Variants in NDC80 observed in about 807,000 individuals in gnomAD.
NDC80 encodes the protein kinetochore protein NDC80 homolog.
NDC80 carries 69 observed loss-of-function variants against 89.3 expected under a neutral mutation model. The observed-to-expected ratio is 0.77, with a 90% CI of 0.64 to 0.94. The LOEUF is 0.94. Among genes scored for constraint, NDC80 ranks in the 40% least tolerant of loss-of-function variants. The pLI is 0.00. For missense variants in NDC80, 593 were observed against 739.6 expected (o/e 0.80, Z 2.30); for synonymous variants, 243 against 255.6 (o/e 0.95, Z 0.47).
At chr18:2,577,912 TATTTTCCAATA>T in intron 4 of NDC80, 43 bp downstream of exon 4, 1 of 1,609,450 alleles carries the variant, frequency 6.2e-7, no homozygotes, top group Non-Finnish European at 8.5e-7. Flanking sequence ...TTGTCATAGG[TATTTTCCAATA>T]ATTTTCCATT....
intron 3 of NDC80, 98 bp from the exon 4 acceptor site, chr18:2,577,641 GTAATGTT>G (rs1567995309): frequency 3.3e-6 from 4 of 1,206,736 alleles, no homozygotes; most frequent in Non-Finnish European, 4.7e-6. Flanking sequence ...TTATAAGAAC[GTAATGTT>G]TGATGTTGAT....
intron 14 of NDC80, among the ~76,000 whole-genome samples, chr18:2,607,827 A>G (rs956214790): frequency 6.6e-6 from 1 of 150,972 alleles, no homozygotes; most frequent in Non-Finnish European, 1.5e-5. Context: ...ATACAAACAT[A>G]TATTTTTTTA....
intron 12 of NDC80, among the ~76,000 whole-genome samples, chr18:2,600,872 C>A (rs928770067): frequency 7.2e-5 from 11 of 152,048 alleles, no homozygotes; most frequent in African/African-American, 2.4e-4. Context: ...GTCATTTTAA[C>A]CTAAGTATTT....
chr18:2,602,093 A>G (rs2072686930), intron 13 of NDC80, among the ~76,000 whole-genome samples: 1 of 152,182 alleles, frequency 6.6e-6, no homozygotes, highest in Admixed American at 6.5e-5. Context: ...AAAGGATTTC[A>G]TTTATAGGAC....
chr18:2,597,895 GGAA>G (rs572346503), intron 11 of NDC80, among the ~76,000 whole-genome samples: 12 of 152,284 alleles, frequency 7.9e-5, no homozygotes, highest in Admixed American at 2.0e-4. Context: ...GAGAAGAGAA[GGAA>G]GAAGTTGTGA....
intron 15 of NDC80, 75 bp from the exon 16 acceptor site, chr18:2,610,684 T>A: frequency 1.1e-6 from 1 of 881,636 alleles, no homozygotes. Flanking sequence ...AATGTGGAAA[T>A]GGGAAGTGAG....
chr18:2,580,871 G>A (rs2143636025), intron 6 of NDC80, among the ~76,000 whole-genome samples: 1 of 150,194 alleles, frequency 6.7e-6, no homozygotes, highest in East Asian at 2.0e-4. Context: ...CTCCCGAGTA[G>A]CTGGGATTAT....
chr18:2,601,541 A>C, intron 13 of NDC80, 56 bp downstream of exon 13: 1 of 799,756 alleles, frequency 1.3e-6, no homozygotes, highest in South Asian at 2.6e-5. Flanking sequence ...TTAAAACCTA[A>C]AATTAAAAGT....
At position 2,599,012 on chromosome 18, in the gene NDC80, C is replaced by A; in HGVS notation, c.1222-7C>A. The A allele has an allele frequency of 6.3e-7, 1 of 1,596,926 alleles. No individual in the cohort carries two copies. The highest frequency in any genetic ancestry group is 1.1e-5 in the South Asian group (1 of 87,458). ...TTTAACATGTCTTATGTGTTCTGTT[C>A]TTACAGATTGAAACACAATTAGCAG... On this transcript the variant is annotated splice_polypyrimidine_tract_variant and splice_region_variant and intron_variant, in intron 11 of 16. Coordinates refer to ENST00000261597, the MANE Select transcript of NDC80 (RefSeq NM_006101.3).
chr18:2,579,109 T>C, intron 6 of NDC80, 80 bp downstream of exon 6: 1 of 780,310 alleles, frequency 1.3e-6, no homozygotes, highest in Middle Eastern at 2.6e-4. Context: ...TCCCAGTCTT[T>C]TGACAGTATT....
chr18:2,590,521 T>C (rs911353147), intron 10 of NDC80, among the ~76,000 whole-genome samples: 18 of 152,186 alleles, frequency 1.2e-4, no homozygotes, highest in African/African-American at 4.1e-4. Flanking sequence ...CATCTTCACA[T>C]TGCCTTCTCC....
At chr18:2,613,388 A>G (rs1481163808) in intron 16 of NDC80, among the ~76,000 whole-genome samples, 1 of 152,234 alleles carries the variant, frequency 6.6e-6, no homozygotes, top group African/African-American at 2.4e-5. Context: ...GCATACCAAG[A>G]ATTATTATAA....
At chr18:2,574,411 A>G (rs1399253435) in intron 2 of NDC80, among the ~76,000 whole-genome samples, 2 of 152,190 alleles carry the variant, frequency 1.3e-5, no homozygotes, top group African/African-American at 4.8e-5. Flanking sequence ...GATGATGGAT[A>G]TGGTAATTAC....
intron 5 of NDC80, among the ~76,000 whole-genome samples, chr18:2,578,407 T>A (rs2143633110): frequency 6.6e-6 from 1 of 152,282 alleles, no homozygotes; most frequent in African/African-American, 2.4e-5. Flanking sequence ...TAAAATCCAC[T>A]TTTCTTTGTT....
intron 15 of NDC80, among the ~76,000 whole-genome samples, chr18:2,610,516 A>G (rs1487900640): frequency 1.3e-5 from 2 of 152,228 alleles, no homozygotes; most frequent in Non-Finnish European, 2.9e-5. Flanking sequence ...CCTTCGCTCC[A>G]AAGCTTTATA....
At chr18:2,574,032 G>T (rs1383329727) in intron 2 of NDC80, among the ~76,000 whole-genome samples, 4 of 152,088 alleles carry the variant, frequency 2.6e-5, no homozygotes, top group South Asian at 4.1e-4. Flanking sequence ...ACTTAAATCT[G>T]CATAACAAGC....
At chr18:2,612,276 CTTTTTTTTTTTTT>C (rs55648444) in intron 16 of NDC80, among the ~76,000 whole-genome samples, 14 of 60,404 alleles carry the variant, frequency 2.3e-4, no homozygotes, top group Admixed American at 5.4e-4. Flanking sequence ...TCTTTTCTTT[CTTTTTTTTTTTTT>C]TTTTTTTTTT....
At chr18:2,595,229 T>TTATATATATATATATATATATA (rs60668754) in intron 10 of NDC80, among the ~76,000 whole-genome samples, 187 bp from the exon 11 acceptor site, 1 of 146,600 alleles carries the variant, frequency 6.8e-6, no homozygotes, top group African/African-American at 2.5e-5. Context: ...ACTTTGAAAT[T>TTATATATATATATATATATATA]TATATATATA....
chr18:2,598,164 G>A (rs756651564), intron 11 of NDC80, among the ~76,000 whole-genome samples: 6 of 152,138 alleles, frequency 3.9e-5, no homozygotes, highest in African/African-American at 7.2e-5. Flanking sequence ...AAGTTCCAAC[G>A]TGTGCTCTTA....
Sources: allele counts gnomAD v4.1 joint callset (sites outside exome capture counted in the v4.1 genomes callset), GRCh38; gene constraint gnomAD v4.1.1; transcripts MANE v1.5; gene names NCBI Gene and HGNC (gene_info 2026-07-23, HGNC 2026-07-21).